Variants in IDO2 observed in about 807,000 individuals in gnomAD.
IDO2 encodes indoleamine 2,3-dioxygenase 2.
In IDO2, 46 loss-of-function variants were observed where a neutral mutation model predicts 45.1. The ratio of observed to expected loss-of-function variants is 1.02; its 90% confidence interval spans 0.80 to 1.30. IDO2 has a LOEUF of 1.30. IDO2 is among the 50% of genes most tolerant of loss of function. The pLI, the probability that IDO2 is intolerant of heterozygous loss-of-function variation, is 0.00. For missense variants in IDO2, 544 were observed against 491.8 expected, an observed-to-expected ratio of 1.11 and a Z score of -1.00; for synonymous variants, 218 against 184.9, an observed-to-expected ratio of 1.18 and a Z score of -1.45.
chr8:40,010,347 C>G (rs1802292921), intron 9 of IDO2, among the ~76,000 whole-genome samples: 1 of 152,124 alleles, frequency 6.6e-6, no homozygotes, highest in Non-Finnish European at 1.5e-5. Context: ...GGCCGCAACA[C>G]TCAGGGGAGA....
At chr8:39,951,642 G>A (rs1460194350) in intron 2 of IDO2, among the ~76,000 whole-genome samples, 1 of 152,178 alleles carries the variant, frequency 6.6e-6, no homozygotes, top group Non-Finnish European at 1.5e-5. Flanking sequence ...CATAAATCCA[G>A]TGTAAGGACC....
chr8:39,962,335 T>C (rs1808011386), intron 2 of IDO2, among the ~76,000 whole-genome samples: 1 of 152,222 alleles, frequency 6.6e-6, no homozygotes, highest in Admixed American at 6.5e-5. Flanking sequence ...TACCTAAGTT[T>C]AGTCCTTGAA....
intron 4 of IDO2, 66 bp downstream of exon 4, chr8:39,979,252 C>G (rs1808306155): frequency 8.4e-6 from 13 of 1,542,022 alleles, no homozygotes; most frequent in Non-Finnish European, 1.1e-5. Flanking sequence ...TAACGTGCTC[C>G]CTGCTTGGTG....
At chr8:39,984,053 T>TAGTA (rs1554547646) in intron 5 of IDO2, among the ~76,000 whole-genome samples, 1 of 151,740 alleles carries the variant, frequency 6.6e-6, no homozygotes, top group African/African-American at 2.4e-5. Flanking sequence ...ATGAAAAAAA[T>TAGTA]AATATATGTG....
In IDO2 at chr8:40,014,832, G is replaced by A. The variant is rs139223380; in HGVS notation, c.869-415G>A. 5.2e-3 allele frequency among the ~76,000 whole-genome samples: 799 copies of A among 152,272 alleles called. 12 individuals carry two copies. Among genetic ancestry groups the A allele is most frequent in the African/African-American group, 0.018 (767 of 41,554 alleles). On this transcript the variant is annotated intron_variant, in intron 10 of 10. Transcript: ENST00000502986. ...GATTTGAGTTAGAACACCAGCAACAGTTTCTGGTGCATTCTTGTCTGAAAA... is the reference window on the plus strand; with the variant it reads ...GATTTGAGTTAGAACACCAGCAACAATTTCTGGTGCATTCTTGTCTGAAAA...
intron 3 of IDO2, among the ~76,000 whole-genome samples, chr8:39,968,430 A>T (rs1808128953): frequency 6.6e-6 from 1 of 152,168 alleles, no homozygotes; most frequent in Admixed American, 6.5e-5. Context: ...TTTATATGGC[A>T]CTCAGGTGAT....
rs35236034 is a variant in IDO2, at chr8:39,982,809, TC to T, written c.434+44del. On this transcript the variant is annotated intron_variant, in intron 5 of 10. Transcript: ENST00000502986. ...AGAATGCTTTGAATTTCCATAACTT[TC>T]CCCCAGGAAACACCCAGGCTTTTTT... is the stretch of plus-strand genomic sequence containing the variant. 5.4e-6 allele frequency: 7 copies of T among 1,304,018 alleles called. No individual in the cohort carries two copies. The East Asian group carries it at 7.5e-5, about 14-fold the overall frequency. The allele number at this position is 1,304,018 out of a possible 1,614,324, so 80.8% of individuals were successfully genotyped here.
intron 6 of IDO2, chr8:39,986,567 G>C (rs188639498): frequency 6.6e-6 from 1 of 152,162 alleles, no homozygotes; most frequent in Non-Finnish European, 1.5e-5. Flanking sequence ...TAGAGTTAAG[G>C]TTTTAGGTTT....
intron 8 of IDO2, among the ~76,000 whole-genome samples, chr8:40,004,713 AG>A (rs1460966735): frequency 6.6e-6 from 1 of 152,112 alleles, no homozygotes; most frequent in Non-Finnish European, 1.5e-5. Flanking sequence ...TACAAATAAG[AG>A]GGCAGGCTTC....
intron 5 of IDO2, among the ~76,000 whole-genome samples, chr8:39,983,813 C>T (rs564180773): frequency 6.6e-5 from 10 of 151,682 alleles, no homozygotes; most frequent in African/African-American, 9.7e-5. Context: ...TTGCAGTGAG[C>T]GAAATCATGC....
intron 1 of IDO2, among the ~76,000 whole-genome samples, chr8:39,939,879 G>A (rs1164913471): frequency 6.6e-6 from 1 of 152,104 alleles, no homozygotes; most frequent in African/African-American, 2.4e-5. Flanking sequence ...TTGCTTTTAG[G>A]AAACAAGTAA....
chr8:40,016,357 G>A, exon 11 of IDO2: 1 of 391,800 alleles, frequency 2.6e-6, no homozygotes, highest in Non-Finnish European at 4.5e-6. Context: ...AAATCAATGT[G>A]TTTAGTGTGC....
chr8:39,977,558 G>A (rs187599562), intron 3 of IDO2, among the ~76,000 whole-genome samples: 1 of 152,346 alleles, frequency 6.6e-6, no homozygotes, highest in Non-Finnish European at 1.5e-5. Context: ...GCACATGCCT[G>A]TAGTCCCAGG....
rs141379787 is a variant in IDO2, at chr8:39,992,041, T to C, written c.667+2203T>C. ...AGTGTTTTACTCCTAGTCACATTCA[T>C]CTATATGGACAAATAGCTGAATGGA... On this transcript the variant is annotated intron_variant, in intron 8 of 10. Transcript: ENST00000502986. 5.3e-5 allele frequency among the ~76,000 whole-genome samples: 8 copies of C among 152,350 alleles called. No individual in the cohort carries two copies. The East Asian group carries it at 1.2e-3, about 22-fold the overall frequency.
intron 8 of IDO2, among the ~76,000 whole-genome samples, chr8:39,993,671 A>G (rs1293394445): frequency 6.6e-6 from 1 of 152,208 alleles, no homozygotes; most frequent in Non-Finnish European, 1.5e-5. Flanking sequence ...CTATATGATA[A>G]TAAAATCATA....
chr8:39,956,818 G>A (rs1277805388), intron 2 of IDO2, among the ~76,000 whole-genome samples: 3 of 151,840 alleles, frequency 2.0e-5, no homozygotes, highest in South Asian at 2.1e-4. Flanking sequence ...AGGCTGAGGC[G>A]GGTGGATCAC....
chr8:39,980,819 G>T (rs143066063), intron 4 of IDO2, among the ~76,000 whole-genome samples: 279 of 152,036 alleles, frequency 1.8e-3, no homozygotes, highest in African/African-American at 6.5e-3. Context: ...GCGTGATCTC[G>T]GCTCACTGCA....
intron 9 of IDO2, among the ~76,000 whole-genome samples, chr8:40,010,412 T>C (rs1802293667): frequency 6.6e-6 from 1 of 152,156 alleles, no homozygotes; most frequent in Non-Finnish European, 1.5e-5. Flanking sequence ...TTTGTCAGCT[T>C]CTTTTCTGAG....
At chr8:39,975,247 G>A (rs546398645) in intron 3 of IDO2, among the ~76,000 whole-genome samples, 1 of 147,908 alleles carries the variant, frequency 6.8e-6, no homozygotes, top group African/African-American at 2.5e-5. Context: ...CTCACTGAAA[G>A]CTCCACCTCC....
Sources: gnomAD v4.1 joint callset for allele counts (sites outside exome capture counted in the v4.1 genomes callset) on GRCh38, gnomAD v4.1.1 for gene constraint, MANE v1.5 for transcripts, NCBI Gene and HGNC (gene_info 2026-07-23, HGNC 2026-07-21) for gene names.